Variants in FGF13 observed in about 807,000 individuals in gnomAD.
The protein encoded by FGF13 is fibroblast growth factor homologous factor 2.
FGF13 carries 2 observed loss-of-function variants against 19.5 expected under a neutral mutation model. The observed-to-expected ratio is 0.10, with a 90% confidence interval of 0.04 to 0.32. FGF13 has a LOEUF of 0.32. FGF13 is among the 10% of genes least tolerant of loss of function. The pLI, the probability that FGF13 is intolerant of heterozygous loss-of-function variation, is 1.00. For missense variants in FGF13, 113 were observed against 192.7 expected, an observed-to-expected ratio of 0.59 and a Z score of 2.45; for synonymous variants, 72 against 76.9, an observed-to-expected ratio of 0.94 and a Z score of 0.33.
chrX:139,003,447 A>G (rs983419527), intron 1 of FGF13, among the ~76,000 whole-genome samples: 10 of 111,742 alleles, frequency 8.9e-5, no homozygotes, highest in Non-Finnish European at 1.7e-4. Context: ...AGGGGACCCG[A>G]ACGTGTTGCC....
At chrX:138,658,709 A>C (rs17001781) in intron 3 of FGF13, among the ~76,000 whole-genome samples, 1,299 of 111,736 alleles carry the variant, frequency 0.012, 21 homozygotes, top group South Asian at 0.051. Flanking sequence ...GATGACCCTT[A>C]CTAAAGTCTG....
Position 138,923,431 on chromosome X carries a change from A to T in FGF13, c.-112-58781T>A, listed in dbSNP as rs149532486. ...TTAACTATATGATCAAAATATAAGG[A>T]TGATTCACTGACTTTTCTAGGTTGG... On this transcript the variant is annotated intron_variant, in intron 1 of 2. Coordinates refer to the FGF13 transcript ENST00000421460. Among the ~76,000 whole-genome samples the T allele has an allele frequency of 1.1e-3, 128 of 112,459 alleles. 2 individuals carry two copies. In the East Asian group the frequency reaches 0.03, roughly 26 times the overall value.
rs774910523 is a variant in FGF13 at position 138,623,972 on chromosome X, T to C, written c.*8878A>G. 2 of 111,777 alleles carry C rather than the reference T, an allele frequency of 1.8e-5. No homozygotes were observed. Among genetic ancestry groups the C allele is most frequent in the East Asian group, 2.8e-4 (1 of 3,558 alleles). The allele number at this position is 111,777 out of a possible 1,213,427, so 9.2% of individuals were successfully genotyped here. On this transcript the variant is annotated 3_prime_UTR_variant, in exon 5 of 5. Transcript: ENST00000315930. ...TAAGTGCAACAGTATCCTGTGTTCA[T>C]AGTTTGGAAGAATTAATTTTGCAAA...
intron 1 of FGF13, among the ~76,000 whole-genome samples, chrX:138,890,428 T>C (rs1346386858): frequency 9.0e-6 from 1 of 111,683 alleles, no homozygotes; most frequent in Admixed American, 9.5e-5. Flanking sequence ...CTCTCCATTT[T>C]GTACCAAGTT....
intron 3 of FGF13, among the ~76,000 whole-genome samples, chrX:138,784,068 A>G (rs2090671987): frequency 1.0e-5 from 1 of 99,090 alleles, no homozygotes; most frequent in Non-Finnish European, 2.0e-5. Context: ...CGCAAGAACA[A>G]AAAACCAAAC....
intron 1 of FGF13, among the ~76,000 whole-genome samples, chrX:138,877,014 A>G (rs1219481042): frequency 8.9e-6 from 1 of 112,292 alleles, no homozygotes; most frequent in African/African-American, 3.2e-5. Context: ...CTTCCTTTTA[A>G]CAGAAAACCA....
chrX:138,812,816 A>T (rs1341816967), intron 3 of FGF13, among the ~76,000 whole-genome samples: 1 of 110,811 alleles, frequency 9.0e-6, no homozygotes, highest in East Asian at 2.8e-4. Flanking sequence ...GTTTTGCTGT[A>T]CCTATTGACC....
chrX:138,890,063 G>T (rs1036330433), intron 1 of FGF13, among the ~76,000 whole-genome samples: 1 of 109,834 alleles, frequency 9.1e-6, no homozygotes, highest in Non-Finnish European at 1.9e-5. Context: ...CAAGTAGCTG[G>T]GATTACAGGC....
At chrX:138,856,371 GT>G (rs2091258057), downstream of FGF13, among the ~76,000 whole-genome samples, 1 of 111,546 alleles carries the variant, frequency 9.0e-6, no homozygotes, top group Admixed American at 9.6e-5. Context: ...GAGTTGTGAA[GT>G]TTTGCTTCCA....
chrX:138,638,084 T>C (rs1451840920), intron 3 of FGF13, among the ~76,000 whole-genome samples: 2 of 111,298 alleles, frequency 1.8e-5, no homozygotes. Context: ...TTGCGCCTTA[T>C]TACCTCTTCA....
intron 3 of FGF13, among the ~76,000 whole-genome samples, chrX:138,686,227 T>C (rs2089781532): frequency 8.9e-6 from 1 of 111,803 alleles, no homozygotes; most frequent in Non-Finnish European, 1.9e-5. Flanking sequence ...AGCCACTTGG[T>C]AAGGTGAACC....
chrX:139,197,985 C>T (rs1340163823), intron 1 of FGF13, among the ~76,000 whole-genome samples: 3 of 86,426 alleles, frequency 3.5e-5, no homozygotes, highest in Non-Finnish European at 6.6e-5. Context: ...CAGATTGAGA[C>T]CCTACCTCAA....
chrX:138,786,133 T>G (rs866479111), intron 3 of FGF13, among the ~76,000 whole-genome samples: 6 of 112,297 alleles, frequency 5.3e-5, no homozygotes, highest in Admixed American at 4.7e-4. Context: ...CTTTGTAGCA[T>G]CCATTCTTCA....
chrX:139,130,556 A>T (rs956074436), intron 1 of FGF13, among the ~76,000 whole-genome samples: 1 of 112,053 alleles, frequency 8.9e-6, no homozygotes, highest in African/African-American at 3.2e-5. Context: ...GTGTATCCCC[A>T]GTACCTATCA....
intron 3 of FGF13, among the ~76,000 whole-genome samples, chrX:138,823,838 A>C (rs1289970209): frequency 2.7e-5 from 3 of 111,901 alleles, no homozygotes; most frequent in Admixed American, 9.5e-5. Flanking sequence ...ATATTATTAT[A>C]TCCATTTAAG....
intron 1 of FGF13, among the ~76,000 whole-genome samples, chrX:139,120,699 C>A (rs2083671029): frequency 8.9e-6 from 1 of 112,611 alleles, no homozygotes; most frequent in South Asian, 3.7e-4. Context: ...GGTTTCCCCC[C>A]AGGTCTATAT....
intron 1 of FGF13, among the ~76,000 whole-genome samples, chrX:139,157,794 G>A (rs2083990007): frequency 8.9e-6 from 1 of 112,959 alleles, no homozygotes; most frequent in Non-Finnish European, 1.9e-5. Context: ...GGGGCTGGAA[G>A]AAGTTACAGG....
At chrX:138,722,908 G>A (rs1388779227) in intron 1 of FGF13, among the ~76,000 whole-genome samples, 1 of 111,803 alleles carries the variant, frequency 8.9e-6, no homozygotes, top group Non-Finnish European at 1.9e-5. Flanking sequence ...ATTTTCCCAA[G>A]CATTTACTCT....
chrX:138,698,484 A>G (rs1230557283), intron 3 of FGF13, among the ~76,000 whole-genome samples: 1 of 111,898 alleles, frequency 8.9e-6, no homozygotes, highest in Non-Finnish European at 1.9e-5. Flanking sequence ...AAACATTGGT[A>G]TCAGGAATTT....
Sources: gnomAD v4.1 joint callset for allele counts (sites outside exome capture counted in the v4.1 genomes callset) on GRCh38, gnomAD v4.1.1 for gene constraint, MANE v1.5 for transcripts, NCBI Gene and HGNC (gene_info 2026-07-23, HGNC 2026-07-21) for gene names.